DENND2A: variants seen among roughly 807,000 people sequenced by gnomAD.
DENND2A encodes the protein DENN domain-containing protein 2A.
Under a neutral mutation model 105.3 loss-of-function variants are expected in DENND2A, and 53 were observed. That is an observed-to-expected ratio of 0.50 (90% CI 0.40 to 0.63). DENND2A has a LOEUF of 0.63. Ranked by LOEUF, DENND2A falls within the 30% of genes least tolerant of loss-of-function variation. The probability of loss-of-function intolerance (pLI) is 0.00; values close to 1 mark genes in which losing one functional copy is unlikely to be tolerated. For synonymous variants in DENND2A, 522 were observed against 508.4 expected (o/e 1.03, Z -0.36); for missense variants, 1,138 against 1,279.6 (o/e 0.89, Z 1.69).
Position 140,521,743 on chromosome 7 carries a change from G to A in DENND2A, c.2911+112C>T. 5.3e-6 allele frequency: 8 copies of A among 1,515,898 alleles called. No individual in the cohort carries two copies. The South Asian group carries it at 1.0e-4, about 19-fold the overall frequency. The allele number at this position is 1,515,898 out of a possible 1,614,324, so 93.9% of individuals were successfully genotyped here. On this transcript the variant is annotated intron_variant, in intron 18 of 19. Coordinates refer to ENST00000496613, the MANE Select transcript of DENND2A (RefSeq NM_015689.5). ...TAACTGCAAGCTCTCTGGGGGAGAT[G>A]GACACAGTCCTGTCTGTGCCCCTGC...
intron 14 of DENND2A, among the ~76,000 whole-genome samples, chr7:140,542,372 G>C (rs768270463): frequency 2.0e-5 from 3 of 152,094 alleles, no homozygotes; most frequent in Non-Finnish European, 4.4e-5. Context: ...CACTGAGTTT[G>C]TGTGTGTGAT....
Position 140,544,713 on chromosome 7 carries a change from C to T in DENND2A, c.2232G>A (p.Glu744=), listed in dbSNP as rs775362534. The change falls in exon 14 of 20, where the codon GAG becomes GAA. Residue 744 remains glutamate (E), a synonymous_variant. Coordinates refer to ENST00000496613, the MANE Select transcript of DENND2A (RefSeq NM_015689.5). ...GGACGCTGAGGGAGGAGAAGAGAGA[C>T]TCAAAGTCCACGTGCTCGAGCCGGG... is the stretch of plus-strand genomic sequence containing the variant. The part of the protein sequence containing the change: ...LDSRLEHVDF[E]SLFSSLSVRH... The T allele has an allele frequency of 1.9e-6, 3 of 1,612,240 alleles. No individual in the cohort carries two copies. Among genetic ancestry groups the T allele is most frequent in the Non-Finnish European group, 2.5e-6 (3 of 1,179,316 alleles).
chr7:140,542,305 G>A (rs1325220377), intron 14 of DENND2A, among the ~76,000 whole-genome samples: 3 of 152,146 alleles, frequency 2.0e-5, no homozygotes, highest in Admixed American at 2.0e-4. Flanking sequence ...GTTTTGTGAC[G>A]TGGCCTTAGC....
At chr7:140,615,736 G>A (rs1800061216) in intron 1 of DENND2A, among the ~76,000 whole-genome samples, 1 of 151,232 alleles carries the variant, frequency 6.6e-6, no homozygotes, top group African/African-American at 2.4e-5. Flanking sequence ...GTAGAGATGG[G>A]GTTTTGGGGT....
At chr7:140,522,845 T>A (rs893870236) in intron 17 of DENND2A, among the ~76,000 whole-genome samples, 6 of 152,020 alleles carry the variant, frequency 3.9e-5, no homozygotes, top group Non-Finnish European at 7.4e-5. Context: ...TGACTTCAGG[T>A]GATCCACCTG....
At position 140,518,617 on chromosome 7, in the gene DENND2A, C is replaced by G. The variant is rs975535126; in HGVS notation, c.*90G>C. 3.5e-6 allele frequency: 5 copies of G among 1,428,742 alleles called. No individual in the cohort carries two copies. The African/African-American group carries it at 7.1e-5, about 20-fold the overall frequency. 88.5% of individuals were successfully genotyped at this position (1,428,742 alleles called of 1,614,324 possible). ...GGCCTCCAGTTCCGCACCGTGACAA[C>G]CTGGGACCCAGCCTTTCAGAAAGGC... On this transcript the variant is annotated 3_prime_UTR_variant, in exon 20 of 20. Transcript: ENST00000496613.
At chr7:140,532,656 G>A (rs147075025) in intron 14 of DENND2A, among the ~76,000 whole-genome samples, 2 of 152,144 alleles carry the variant, frequency 1.3e-5, no homozygotes, top group South Asian at 4.1e-4. Flanking sequence ...GGATGGGGCA[G>A]AGTAGGGAGA....
chr7:140,569,221 C>T (rs2130599323), intron 7 of DENND2A, among the ~76,000 whole-genome samples: 1 of 152,330 alleles, frequency 6.6e-6, no homozygotes, highest in African/African-American at 2.4e-5. Flanking sequence ...GCCACCGCGC[C>T]CCGCCTCTTG....
intron 1 of DENND2A, among the ~76,000 whole-genome samples, chr7:140,629,811 T>C (rs929633193): frequency 6.6e-6 from 1 of 151,928 alleles, no homozygotes; most frequent in Non-Finnish European, 1.5e-5. Context: ...TATGGTGCTC[T>C]TGTTACTTCA....
In DENND2A at chr7:140,522,056, C is replaced by T. The variant is rs201538505; in HGVS notation, c.2710G>A (p.Val904Ile). 202 of 1,614,050 alleles carry T rather than the reference C, an allele frequency of 1.3e-4. 1 individual carries two copies. Among genetic ancestry groups the T allele is most frequent in the Non-Finnish European group, 1.5e-4 (182 of 1,180,052 alleles). The change falls in exon 18 of 20, where the codon GTC (valine) becomes ATC (isoleucine). Residue 904 changes from valine to isoleucine, a missense_variant. By Grantham distance (29) the Val-to-Ile change is conservative. Transcript: ENST00000496613. ...PLNEVVSEAFVRFFVEIVGHY... is the reference protein window; with the variant it reads ...PLNEVVSEAFIRFFVEIVGHY... ...CCCACAATCTCCACGAAGAAGCGGA[C>T]AAAGGCTTCAGACACCACCTCGTTC...
chr7:140,550,359 A>T lies in DENND2A; in HGVS notation c.2038-3420T>A, dbSNP rs1364211109. On this transcript the variant is annotated intron_variant, in intron 12 of 19. Coordinates refer to ENST00000496613, the MANE Select transcript of DENND2A (RefSeq NM_015689.5). The stretch of plus-strand genomic sequence containing the variant: ...GGACGCCCACCACCACACTCACTTA[A>T]TTTTTTTCTTTTTTTGAGCCTGAGT... Among the ~76,000 whole-genome samples the T allele has an allele frequency of 2.2e-5, 3 of 138,940 alleles. No homozygotes were observed. The East Asian group carries it at 6.3e-4, about 29-fold the overall frequency. 91.2% of individuals were successfully genotyped at this position (138,940 alleles called of 152,430 possible).
chr7:140,622,137 C>T (rs10279057), intron 1 of DENND2A, among the ~76,000 whole-genome samples: 52,652 of 151,912 alleles, frequency 0.35, 9,700 homozygotes, highest in African/African-American at 0.48. Context: ...GTGGCTCATG[C>T]CTGTGATCCC....
Position 140,601,664 on chromosome 7 carries a change from C to T in DENND2A, c.734G>A (p.Arg245Gln), listed in dbSNP as rs568165538. 9 of 1,613,040 alleles carry T rather than the reference C, an allele frequency of 5.6e-6. No homozygotes were observed. Among genetic ancestry groups the T allele is most frequent in the Admixed American group, 5.0e-5 (3 of 59,968 alleles). The change falls in exon 3 of 20, where the codon CGG becomes CAG. Residue 245 changes from arginine (R) to glutamine (Q), a missense_variant. By Grantham distance (43) the Arg-to-Gln change is conservative (BLOSUM62 1). This residue lies in a region of DENND2A where 511 missense variants were observed against 499.9 expected (regional missense o/e 1.02). Coordinates refer to ENST00000496613, the MANE Select transcript of DENND2A (RefSeq NM_015689.5). The stretch of plus-strand genomic sequence containing the variant: ...GCCCCTATACACGTTCTCAAGGCTC[C>T]GGTCCCAGGGCCTTCTGCATGAACC... ...RKGSCRRPWD[R>Q]SLENVYRGSE...
At chr7:140,557,509 G>A (rs1404501945) in intron 11 of DENND2A, among the ~76,000 whole-genome samples, 16 of 16,782 alleles carry the variant, frequency 9.5e-4, no homozygotes, top group African/African-American at 1.8e-3. Context: ...TTATTTTTTA[G>A]TATATATATA....
chr7:140,615,883 T>C (rs975773873), intron 1 of DENND2A, among the ~76,000 whole-genome samples: 2 of 151,986 alleles, frequency 1.3e-5, no homozygotes, highest in South Asian at 2.1e-4. Flanking sequence ...GCTTAATGCG[T>C]CCACCAACAA....
intron 1 of DENND2A, among the ~76,000 whole-genome samples, chr7:140,629,122 C>A (rs1389665111): frequency 6.6e-6 from 1 of 152,144 alleles, no homozygotes; most frequent in African/African-American, 2.4e-5. Context: ...CCATGAAGAT[C>A]TATTTTTTCA....
chr7:140,558,331 A>C, intron 10 of DENND2A, 119 bp from the exon 11 acceptor site: 1 of 698,042 alleles, frequency 1.4e-6, no homozygotes, highest in Non-Finnish European at 2.5e-6. Context: ...GGCTGTAGGA[A>C]AGGCCACTCC....
chr7:140,574,280 G>A (rs542288400), intron 5 of DENND2A, among the ~76,000 whole-genome samples: 167 of 152,108 alleles, frequency 1.1e-3, no homozygotes, highest in Middle Eastern at 3.4e-3. Context: ...GTGGAATGGC[G>A]CGATCTCTGT....
chr7:140,635,578 G>T (rs1211119420), intron 1 of DENND2A, among the ~76,000 whole-genome samples: 1 of 152,162 alleles, frequency 6.6e-6, no homozygotes, highest in Non-Finnish European at 1.5e-5. Flanking sequence ...GGATGCCTAT[G>T]ACCTCCTGGT....
Sources: allele counts gnomAD v4.1 joint callset (sites outside exome capture counted in the v4.1 genomes callset), GRCh38; gene constraint gnomAD v4.1.1; regional missense constraint gnomAD v4.1.1; transcripts MANE v1.5; gene names NCBI Gene and HGNC (gene_info 2026-07-23, HGNC 2026-07-21).